Variants in ZFP41 observed in about 807,000 individuals in gnomAD.
ZFP41 encodes zinc finger protein 41 homolog.
A neutral mutation model predicts 11.6 loss-of-function variants in ZFP41; 10 were observed. The ratio of observed to expected loss-of-function variants is 0.86; its 90% confidence interval spans 0.53 to 1.47. The LOEUF is 1.47. Ranked by LOEUF, ZFP41 falls within the 40% of genes most tolerant of loss-of-function variation. The pLI, the probability that ZFP41 is intolerant of heterozygous loss-of-function variation, is 0.00. For missense variants in ZFP41, 302 were observed against 264.6 expected (o/e 1.14, Z -0.98); for synonymous variants, 123 against 100.9 (o/e 1.22, Z -1.31).
chr8:143,252,308 A>G (rs577007533), intron 2 of ZFP41, among the ~76,000 whole-genome samples: 1 of 152,164 alleles, frequency 6.6e-6, no homozygotes, highest in East Asian at 1.9e-4. Flanking sequence ...GTCGGGTGAC[A>G]CTCAGTGCCT....
At chr8:143,254,552 G>A (rs897124293) in intron 2 of ZFP41, among the ~76,000 whole-genome samples, 1 of 152,060 alleles carries the variant, frequency 6.6e-6, no homozygotes, top group Non-Finnish European at 1.5e-5. Context: ...ATTCCCTGGT[G>A]GTGTCTGCAT....
chr8:143,258,456 C>G (rs548917338), intron 2 of ZFP41, among the ~76,000 whole-genome samples: 1 of 152,194 alleles, frequency 6.6e-6, no homozygotes, highest in Non-Finnish European at 1.5e-5. Flanking sequence ...GAGTCACCCT[C>G]GGGAGAGCCT....
chr8:143,260,884 T>C lies in ZFP41; in HGVS notation c.*2010T>C, dbSNP rs1366377052. 6.2e-6 allele frequency: 1 copy of C among 161,810 alleles called. No individual in the cohort carries two copies. Among genetic ancestry groups the C allele is most frequent in the Admixed American group, 6.5e-5 (1 of 15,354 alleles). The allele number at this position is 161,810 out of a possible 1,614,324, so 10.0% of individuals were successfully genotyped here. On this transcript the variant is annotated 3_prime_UTR_variant, in exon 3 of 3. Coordinates refer to ENST00000330701, the MANE Select transcript of ZFP41 (RefSeq NM_173832.6). Reference sequence around the variant, plus strand: ...AGAGTGCAGAGAACCTCAAATGTTGTGACTTTGCTCTGCTGCAGGGACCTG... The same window carrying C: ...AGAGTGCAGAGAACCTCAAATGTTGCGACTTTGCTCTGCTGCAGGGACCTG...
At chr8:143,248,300 T>G (rs1418917926) in intron 1 of ZFP41, 1 of 152,178 alleles carries the variant, frequency 6.6e-6, no homozygotes, top group Non-Finnish European at 1.5e-5. Context: ...GATACGATCC[T>G]CGCCTTCAGG....
rs3750211 is a variant in ZFP41 at position 143,260,214 on chromosome 8, C to T, written c.*1340C>T. ...CGTGCAGGGAAGCACCCTCTGAAATCGTGCAGGGAAGCACCCTCTGAAATG... is the reference window on the plus strand; with the variant it reads ...CGTGCAGGGAAGCACCCTCTGAAATTGTGCAGGGAAGCACCCTCTGAAATG... On this transcript the variant is annotated 3_prime_UTR_variant, in exon 3 of 3. Coordinates refer to ENST00000330701, the MANE Select transcript of ZFP41 (RefSeq NM_173832.6). 0.83 allele frequency: 111,736 copies of T among 134,508 alleles called. 46,240 individuals carry two copies. Among genetic ancestry groups the T allele is most frequent in the South Asian group, 0.91 (4,278 of 4,720 alleles). The allele number at this position is 134,508 out of a possible 1,614,324, so 8.3% of individuals were successfully genotyped here.
chr8:143,249,651 A>G (rs1816757711), intron 1 of ZFP41, 39 bp from the exon 2 acceptor site: 3 of 905,578 alleles, frequency 3.3e-6, no homozygotes, highest in South Asian at 2.4e-5. Flanking sequence ...CTGAAAGGCA[A>G]ACCTTTAATC....
chr8:143,258,516 C>T (rs768577475), intron 2 of ZFP41, among the ~76,000 whole-genome samples: 4 of 152,132 alleles, frequency 2.6e-5, no homozygotes, highest in East Asian at 1.9e-4. Flanking sequence ...CTGAGCCAGA[C>T]GCTGACATGC....
intron 1 of ZFP41, chr8:143,247,553 G>T (rs1315519419): frequency 1.3e-5 from 2 of 152,304 alleles, no homozygotes; most frequent in African/African-American, 4.8e-5. Context: ...CAGGGTGAGT[G>T]AGGTTTTCTA....
At chr8:143,258,076 AGCACATTG>A (rs1207116830) in intron 2 of ZFP41, among the ~76,000 whole-genome samples, 1 of 152,236 alleles carries the variant, frequency 6.6e-6, no homozygotes, top group Non-Finnish European at 1.5e-5. Flanking sequence ...CTGTCATCCC[AGCACATTG>A]GGAGACTGAG....
rs1167303864 is a variant in ZFP41, at chr8:143,250,619, A to C, written c.*179A>C. On this transcript the variant is annotated 3_prime_UTR_variant, in exon 2 of 3. Transcript: ENST00000330701. Reference sequence around the variant, plus strand: ...GTGGGAACGTGCCAGCGAGGGAGAGACCTTTCCACTGCAGAGAGTCTCTCT... The same window carrying C: ...GTGGGAACGTGCCAGCGAGGGAGAGCCCTTTCCACTGCAGAGAGTCTCTCT... 2.2e-4 allele frequency: 213 copies of C among 956,850 alleles called. 1 individual carries two copies. The highest frequency in any genetic ancestry group is 7.5e-5 in the Non-Finnish European group (49 of 649,992). 59.3% of individuals were successfully genotyped at this position (956,850 alleles called of 1,614,324 possible). A position where few individuals can be genotyped will look rare whatever the true frequency, so the allele number is the denominator to read the frequency against.
In ZFP41 at chr8:143,260,683, C is replaced by G. The variant is rs1256492431; in HGVS notation, c.*1809C>G. 5.1e-6 allele frequency: 1 copy of G among 194,192 alleles called. No individual in the cohort carries two copies. Among genetic ancestry groups the G allele is most frequent in the Non-Finnish European group, 1.1e-5 (1 of 93,058 alleles). The allele number at this position is 194,192 out of a possible 1,614,324, so 12.0% of individuals were successfully genotyped here. ...CCCGGACCAGCGGGCACCACCCTCC[C>G]AGCCTCACGCGGCCACCCTGACCAG... On this transcript the variant is annotated 3_prime_UTR_variant, in exon 3 of 3. Coordinates refer to ENST00000330701, the MANE Select transcript of ZFP41 (RefSeq NM_173832.6).
chr8:143,259,589 C>T (rs949246219), intron 2 of ZFP41, among the ~76,000 whole-genome samples, 186 bp from the exon 3 acceptor site: 5 of 152,080 alleles, frequency 3.3e-5, no homozygotes, highest in Admixed American at 6.5e-5. Flanking sequence ...CCCACTTCCA[C>T]GCCCCCCACT....
Position 143,260,757 on chromosome 8 carries a change from G to T in ZFP41, c.*1883G>T, listed in dbSNP as rs971794213. The T allele has an allele frequency of 5.6e-6, 1 of 179,244 alleles. No homozygotes were observed. The highest frequency in any genetic ancestry group is 2.4e-5 in the African/African-American group (1 of 41,280). The allele number at this position is 179,244 out of a possible 1,614,324, so 11.1% of individuals were successfully genotyped here. On this transcript the variant is annotated 3_prime_UTR_variant, in exon 3 of 3. Transcript: ENST00000330701. ...CTCAGTCACCCTGACCCAGAGGGCT[G>T]CCCTGACCAGCGGGCACCATCCTCC...
In ZFP41 at chr8:143,247,003, C is replaced by A. The variant is rs1293490041; in HGVS notation, c.-294C>A. 4.6e-5 allele frequency: 7 copies of A among 152,470 alleles called. No individual in the cohort carries two copies. Among genetic ancestry groups the A allele is most frequent in the African/African-American group, 1.7e-4 (7 of 41,462 alleles). 9.4% of individuals were successfully genotyped at this position (152,470 alleles called of 1,614,324 possible). A position where few individuals can be genotyped will look rare whatever the true frequency, so the allele number is the denominator to read the frequency against. On this transcript the variant is annotated 5_prime_UTR_variant, in exon 1 of 3. Coordinates refer to ENST00000330701, the MANE Select transcript of ZFP41 (RefSeq NM_173832.6). ...CTGGTGGGGAGCTGTTGGGGGGTCC[C>A]GCATCTAGGGCTCTCCTTTCCTGCC...
chr8:143,261,221 C>T lies in ZFP41; in HGVS notation c.*2347C>T, dbSNP rs1335285356. On this transcript the variant is annotated 3_prime_UTR_variant, in exon 3 of 3. Coordinates refer to ENST00000330701, the MANE Select transcript of ZFP41 (RefSeq NM_173832.6). ...TGTACCTGGGTTTCATTCCCAGTGA[C>T]CTCTCCTATTGGTCCCCATTTGGGG... 1 of 152,304 alleles carries T rather than the reference C, an allele frequency of 6.6e-6. No homozygotes were observed. Among genetic ancestry groups the T allele is most frequent in the Non-Finnish European group, 1.5e-5 (1 of 68,094 alleles). The allele number at this position is 152,304 out of a possible 1,614,324, so 9.4% of individuals were successfully genotyped here. A position where few individuals can be genotyped will look rare whatever the true frequency, so the allele number is the denominator to read the frequency against.
At chr8:143,259,001 G>T (rs58512932) in intron 2 of ZFP41, among the ~76,000 whole-genome samples, 46,738 of 152,210 alleles carry the variant, frequency 0.31, 7,747 homozygotes, top group African/African-American at 0.42. Context: ...CCCAGGAGCC[G>T]CCTGTTGACT....
Position 143,260,716 on chromosome 8 carries a change from C to T in ZFP41, c.*1842C>T. 1 of 189,780 alleles carries T rather than the reference C, an allele frequency of 5.3e-6. No homozygotes were observed. The highest frequency in any genetic ancestry group is 6.9e-5 in the South Asian group (1 of 14,490). The allele number at this position is 189,780 out of a possible 1,614,324, so 11.8% of individuals were successfully genotyped here. A position where few individuals can be genotyped will look rare whatever the true frequency, so the allele number is the denominator to read the frequency against. ...CGCGGCCACCCTGACCAGCAGGCAC[C>T]ATCCTTCCAGCCTTGCTCAGTCACC... On this transcript the variant is annotated 3_prime_UTR_variant, in exon 3 of 3. Coordinates refer to ENST00000330701, the MANE Select transcript of ZFP41 (RefSeq NM_173832.6).
At position 143,262,165 on chromosome 8, in the gene ZFP41, G is replaced by A; in HGVS notation, c.*3291G>A. The A allele has an allele frequency of 5.9e-6, 1 of 170,048 alleles. No individual in the cohort carries two copies. The highest frequency in any genetic ancestry group is 1.3e-5 in the Non-Finnish European group (1 of 79,754). 10.5% of individuals were successfully genotyped at this position (170,048 alleles called of 1,614,324 possible). On this transcript the variant is annotated 3_prime_UTR_variant, in exon 3 of 3. Transcript: ENST00000330701. ...GCCCGTCTTGCCCTGGGGCCCAGGT[G>A]CAGGTCTGTGAGGAGGGCAGCCCCG...
At chr8:143,259,240 C>CA (rs1814982397) in intron 2 of ZFP41, among the ~76,000 whole-genome samples, 1 of 152,202 alleles carries the variant, frequency 6.6e-6, no homozygotes, top group Admixed American at 6.5e-5. Flanking sequence ...GCACAGAAGA[C>CA]ACACGGCGTG....
Sources: gnomAD v4.1 joint callset for allele counts (sites outside exome capture counted in the v4.1 genomes callset) on GRCh38, gnomAD v4.1.1 for gene constraint, MANE v1.5 for transcripts, NCBI Gene and HGNC (gene_info 2026-07-23, HGNC 2026-07-21) for gene names.